Variants in L3MBTL1 observed in about 807,000 individuals in gnomAD.
The protein encoded by L3MBTL1 is L3MBTL histone methyl-lysine binding protein 1.
In L3MBTL1, 75 loss-of-function variants were observed where a neutral mutation model predicts 105.3. The observed-to-expected ratio is 0.71, with a 90% CI of 0.59 to 0.86. L3MBTL1 has a LOEUF of 0.86. Among genes scored for constraint, L3MBTL1 ranks in the 40% least tolerant of loss-of-function variants. L3MBTL1 has a pLI of 0.00. For synonymous variants in L3MBTL1, 452 were observed against 436.2 expected, an observed-to-expected ratio of 1.04 and a Z score of -0.45; for missense variants, 1,069 against 1,126.4, an observed-to-expected ratio of 0.95 and a Z score of 0.73.
At position 43,530,853 on chromosome 20, in the gene L3MBTL1, G is replaced by A. The variant is rs770750499; in HGVS notation, c.1248G>A (p.Gln416=). The A allele has an allele frequency of 3.3e-5, 53 of 1,614,016 alleles. No homozygotes were observed. Among genetic ancestry groups the A allele is most frequent in the Non-Finnish European group, 4.5e-5 (53 of 1,180,016 alleles). Residue 416 remains glutamine (Q), a synonymous_variant, in exon 11 of 22, where the codon CAG becomes CAA. Transcript: ENST00000418998. ...WSQYLRSTRA[Q]AAPKHLFVSQ... ...AGTACCTGCGCAGCACAAGAGCTCA[G>A]GCTGCCCCCAAGCACCTGTTTGTGA...
chr20:43,530,699 G>T lies in L3MBTL1; in HGVS notation c.1193-99G>T, dbSNP rs1013476784. On this transcript the variant is annotated intron_variant, in intron 10 of 21. Transcript: ENST00000418998. ...GCAAGTTCTTGAGGGTTGGGGGGAG[G>T]TCCTCAGGCATGCCTGATTCTGCTG... The T allele has an allele frequency of 6.2e-5, 70 of 1,131,768 alleles. No homozygotes were observed. The Admixed American group carries it at 1.3e-3, about 21-fold the overall frequency. 70.1% of individuals were successfully genotyped at this position (1,131,768 alleles called of 1,614,324 possible).
intron 7 of L3MBTL1, among the ~76,000 whole-genome samples, chr20:43,525,062 C>G (rs1267140262): frequency 2.0e-5 from 3 of 150,680 alleles, no homozygotes; most frequent in Admixed American, 6.6e-5. Context: ...GGATATAGAT[C>G]CAAGAGATAA....
chr20:43,545,948 T>C (rs1377326910), downstream of L3MBTL1, among the ~76,000 whole-genome samples: 4 of 152,228 alleles, frequency 2.6e-5, no homozygotes, highest in African/African-American at 9.6e-5. Flanking sequence ...TACAGTCCTG[T>C]TGTCGCCACA....
At chr20:43,515,230 T>TA in intron 5 of L3MBTL1, 62 bp from the exon 6 acceptor site, 1 of 1,613,394 alleles carries the variant, frequency 6.2e-7, no homozygotes, top group Non-Finnish European at 8.5e-7. Flanking sequence ...GTTCAGGGGT[T>TA]AGGAGAGGGG....
chr20:43,514,479 C>G, intron 3 of L3MBTL1, 156 bp from the exon 4 acceptor site: 1 of 1,523,028 alleles, frequency 6.6e-7, no homozygotes, highest in Non-Finnish European at 8.9e-7. Context: ...GAGGGTTTGG[C>G]TGGTGTAGCT....
intron 7 of L3MBTL1, among the ~76,000 whole-genome samples, chr20:43,518,837 C>A (rs2018543240): frequency 8.9e-6 from 1 of 112,248 alleles, no homozygotes; most frequent in Non-Finnish European, 1.7e-5. Flanking sequence ...GAAACCCCAT[C>A]TCTACTAAAA....
chr20:43,530,268 C>G lies in L3MBTL1; in HGVS notation c.1057-16C>G, dbSNP rs756470774. The G allele has an allele frequency of 2.2e-5, 35 of 1,613,166 alleles. No homozygotes were observed. Among genetic ancestry groups the G allele is most frequent in the Non-Finnish European group, 3.0e-5 (35 of 1,179,674 alleles). On this transcript the variant is annotated splice_polypyrimidine_tract_variant and intron_variant, in intron 9 of 21. Coordinates refer to ENST00000418998, the MANE Select transcript of L3MBTL1 (RefSeq NM_001377303.1). Reference sequence around the variant, plus strand: ...TCTCCTGACATTGGAGTTCCTGATTCCCCTCATGGGGCCAGGTATGTGGCT... The same window carrying G: ...TCTCCTGACATTGGAGTTCCTGATTGCCCTCATGGGGCCAGGTATGTGGCT...
chr20:43,525,317 G>A (rs2018972104), intron 7 of L3MBTL1, among the ~76,000 whole-genome samples: 1 of 152,048 alleles, frequency 6.6e-6, no homozygotes, highest in Admixed American at 6.6e-5. Context: ...AAGGAAGCAG[G>A]AATAAACAAA....
At chr20:43,511,359 T>C (rs192251831) in intron 1 of L3MBTL1, among the ~76,000 whole-genome samples, 10 of 152,352 alleles carry the variant, frequency 6.6e-5, no homozygotes, top group Admixed American at 1.3e-4. Flanking sequence ...TGGAGATGAC[T>C]GATCAAACAC....
intron 7 of L3MBTL1, among the ~76,000 whole-genome samples, chr20:43,525,784 A>G (rs2019001539): frequency 6.6e-6 from 1 of 152,150 alleles, no homozygotes; most frequent in Admixed American, 6.5e-5. Flanking sequence ...CCTCCCTATC[A>G]TCTAAGGGCA....
rs1157312716 is a variant in L3MBTL1 at position 43,535,882 on chromosome 20, T to A, written c.1871T>A (p.Leu624His). The change falls in exon 17 of 22, where the codon CTC becomes CAC. Residue 624 changes from leucine (L) to histidine (H), a missense_variant. Physicochemically the swap from Leu to His is moderately conservative, Grantham distance 99. Transcript: ENST00000418998. ...GCCTCCCCTGGGGGCTGTCCCCCTC[T>A]CAGCTATAGGAGCCTGCCCCACACT... Reference protein sequence around the residue: ...SSASPGGCPPLSYRSLPHTRT... With the variant: ...SSASPGGCPPHSYRSLPHTRT... 1.9e-6 allele frequency: 3 copies of A among 1,612,766 alleles called. No individual in the cohort carries two copies. The Admixed American group carries it at 5.0e-5, about 27-fold the overall frequency.
At chr20:43,509,675 G>C (rs1237294621) in intron 1 of L3MBTL1, among the ~76,000 whole-genome samples, 1 of 152,190 alleles carries the variant, frequency 6.6e-6, no homozygotes, top group Non-Finnish European at 1.5e-5. Context: ...CAGAATGGTG[G>C]TGACACCTAC....
chr20:43,546,980 A>T (rs6065621), intron 18 of L3MBTL1, among the ~76,000 whole-genome samples: 117,621 of 151,926 alleles, frequency 0.77, 45,731 homozygotes, highest in East Asian at 0.91. Flanking sequence ...CTCAGGATAC[A>T]TTTTGCAGTT....
chr20:43,533,289 A>G (rs1461487892), intron 12 of L3MBTL1, 53 bp from the exon 13 acceptor site: 16 of 1,522,642 alleles, frequency 1.1e-5, no homozygotes, highest in Non-Finnish European at 1.3e-5. Context: ...AGAGGATGGC[A>G]GGCTCAGGGC....
intron 7 of L3MBTL1, among the ~76,000 whole-genome samples, chr20:43,521,042 C>T (rs1196080937): frequency 6.6e-6 from 1 of 152,214 alleles, no homozygotes; most frequent in Non-Finnish European, 1.5e-5. Flanking sequence ...AGCCCAGCCT[C>T]TTCAGTTTGG....
chr20:43,519,823 C>G (rs1465170542), intron 7 of L3MBTL1, among the ~76,000 whole-genome samples: 5 of 152,128 alleles, frequency 3.3e-5, no homozygotes, highest in Admixed American at 3.3e-4. Context: ...TAAATGGTGT[C>G]TTTTAAGGAG....
chr20:43,540,413 G>A, intron 20 of L3MBTL1, 105 bp downstream of exon 20: 3 of 1,293,314 alleles, frequency 2.3e-6, no homozygotes, highest in Middle Eastern at 2.2e-4. Flanking sequence ...ACCACTCCTG[G>A]CACTACCTCT....
At chr20:43,520,931 G>C (rs1259685464) in intron 7 of L3MBTL1, among the ~76,000 whole-genome samples, 1 of 152,114 alleles carries the variant, frequency 6.6e-6, no homozygotes, top group Non-Finnish European at 1.5e-5. Flanking sequence ...ATTGTCCATG[G>C]CTTTCATTAC....
rs1023504645 is a variant in L3MBTL1 at position 43,526,401 on chromosome 20, T to C, written c.863-2256T>C. 2.0e-5 allele frequency among the ~76,000 whole-genome samples: 3 copies of C among 152,164 alleles called. No homozygotes were observed. In the South Asian group the frequency reaches 6.2e-4, roughly 31 times the overall value. ...ATCCTGAAGTCTACTCTCTCTTCTC[T>C]TTGCCCTACTCAGTAAGAATGGAGG... On this transcript the variant is annotated intron_variant, in intron 7 of 21. Coordinates refer to ENST00000418998, the MANE Select transcript of L3MBTL1 (RefSeq NM_001377303.1).
Sources: gnomAD v4.1 joint callset for allele counts (sites outside exome capture counted in the v4.1 genomes callset) on GRCh38, gnomAD v4.1.1 for gene constraint, MANE v1.5 for transcripts, NCBI Gene and HGNC (gene_info 2026-07-23, HGNC 2026-07-21) for gene names.